TRPM7: variants seen among roughly 807,000 people sequenced by gnomAD.
The protein encoded by TRPM7 is LTRPC ion channel family member 7.
TRPM7 carries 134 observed loss-of-function variants against 229.7 expected under a neutral mutation model. That is an observed-to-expected ratio of 0.58 (90% CI 0.51 to 0.67). TRPM7 has a LOEUF of 0.67. TRPM7 is among the 30% of genes least tolerant of loss of function. TRPM7 has a pLI of 0.00. For missense variants in TRPM7, 1,901 were observed against 2,210.0 expected (o/e 0.86, Z 2.80); for synonymous variants, 699 against 715.2 (o/e 0.98, Z 0.36).
In TRPM7 at chr15:50,686,735, C is replaced by T. The variant is rs1220694206; in HGVS notation, c.-202G>A. The stretch of plus-strand genomic sequence containing the variant: ...TCTTTCATAATTGTGCGACCAACTC[C>T]TCCGGGTGACTGGCCACAGGGACGC... On this transcript the variant is annotated 5_prime_UTR_variant, in exon 1 of 39. Coordinates refer to ENST00000646667, the MANE Select transcript of TRPM7 (RefSeq NM_017672.6). 3 of 627,104 alleles carry T rather than the reference C, an allele frequency of 4.8e-6. No homozygotes were observed. The highest frequency in any genetic ancestry group is 7.7e-6 in the Non-Finnish European group (3 of 389,792). The allele number at this position is 627,104 out of a possible 1,614,324, so 38.8% of individuals were successfully genotyped here. A position where few individuals can be genotyped will look rare whatever the true frequency, so the allele number is the denominator to read the frequency against.
At position 50,664,789 on chromosome 15, in the gene TRPM7, A is replaced by G. The variant is rs560946797; in HGVS notation, c.4-1743T>C. On this transcript the variant is annotated intron_variant, in intron 1 of 38. Transcript: ENST00000646667. Reference sequence around the variant, plus strand: ...CAGCTGGGTAACACAGTGAGACTCCATCTCTACAAAAAAATTAAACAGTCA... The same window carrying G: ...CAGCTGGGTAACACAGTGAGACTCCGTCTCTACAAAAAAATTAAACAGTCA... Among the ~76,000 whole-genome samples the G allele has an allele frequency of 1.1e-4, 16 of 152,176 alleles. No individual in the cohort carries two copies. In the East Asian group the frequency reaches 2.9e-3, roughly 28 times the overall value.
At chr15:50,606,450 T>C (rs995629172) in intron 20 of TRPM7, among the ~76,000 whole-genome samples, 1 of 152,104 alleles carries the variant, frequency 6.6e-6, no homozygotes, top group African/African-American at 2.4e-5. Context: ...AAAGTATAAA[T>C]ATTACGAAAA....
At chr15:50,613,620 CAATT>C (rs1183869907) in intron 15 of TRPM7, 83 bp downstream of exon 15, 14 of 1,173,278 alleles carry the variant, frequency 1.2e-5, no homozygotes, top group Admixed American at 3.6e-5. Flanking sequence ...CTTACTAAAT[CAATT>C]AGTTTTTTTT....
intron 28 of TRPM7, 65 bp downstream of exon 28, chr15:50,586,327 T>C: frequency 9.8e-6 from 11 of 1,124,056 alleles, no homozygotes; most frequent in Non-Finnish European, 1.5e-5. Flanking sequence ...TTGACAAACA[T>C]AAAATACATT....
intron 1 of TRPM7, among the ~76,000 whole-genome samples, chr15:50,669,378 T>C (rs769318862): frequency 2.0e-5 from 3 of 151,880 alleles, no homozygotes; most frequent in Non-Finnish European, 4.4e-5. Flanking sequence ...GAGGCTGCAG[T>C]GAGCCGAGGT....
intron 2 of TRPM7, among the ~76,000 whole-genome samples, chr15:50,658,401 C>T (rs1000621655): frequency 2.6e-5 from 4 of 151,192 alleles, no homozygotes; most frequent in Non-Finnish European, 5.9e-5. Flanking sequence ...AGCGAAACTC[C>T]GTCTCTACAA....
intron 3 of TRPM7, among the ~76,000 whole-genome samples, chr15:50,656,362 T>TG (rs1343968429): frequency 6.6e-6 from 1 of 152,054 alleles, no homozygotes; most frequent in African/African-American, 2.4e-5. Flanking sequence ...TGCAGTGGTG[T>TG]GATCAGGGCT....
intron 6 of TRPM7, 129 bp from the exon 7 acceptor site, chr15:50,637,722 A>C (rs533948464): frequency 4.9e-5 from 40 of 808,374 alleles, no homozygotes; most frequent in Admixed American, 9.7e-5. Flanking sequence ...ATAAATACCA[A>C]ATGACAAAGA....
At position 50,641,868 on chromosome 15, in the gene TRPM7, C is replaced by T. The variant is rs147188885; in HGVS notation, c.535+1472G>A. Among the ~76,000 whole-genome samples, 8 of 152,038 alleles carry T rather than the reference C, an allele frequency of 5.3e-5. No individual in the cohort carries two copies. The East Asian group carries it at 1.4e-3, about 26-fold the overall frequency. ...TACAAAACTTAGCCACGTGTGGTGA[C>T]GGGCACCTGTAATCCCAGCTACTTG... On this transcript the variant is annotated intron_variant, in intron 5 of 38. Transcript: ENST00000646667.
intron 28 of TRPM7, among the ~76,000 whole-genome samples, chr15:50,584,580 T>C (rs532208664): frequency 6.6e-6 from 1 of 151,762 alleles, no homozygotes; most frequent in Non-Finnish European, 1.5e-5. Context: ...GATCACTTAC[T>C]AGAAATGCTT....
chr15:50,631,383 G>A (rs539387800), intron 10 of TRPM7, 34 bp downstream of exon 10: 1 of 1,355,270 alleles, frequency 7.4e-7, no homozygotes, highest in South Asian at 1.2e-5. Context: ...TAAAATAAAA[G>A]GTCTTACAAA....
chr15:50,677,676 T>C (rs748247840), intron 1 of TRPM7, among the ~76,000 whole-genome samples: 1 of 145,294 alleles, frequency 6.9e-6, no homozygotes, highest in African/African-American at 2.6e-5. Flanking sequence ...GGGACAGAGC[T>C]TGCAGTGAGC....
intron 27 of TRPM7, among the ~76,000 whole-genome samples, chr15:50,589,077 C>G (rs1238062538): frequency 6.6e-6 from 1 of 151,992 alleles, no homozygotes; most frequent in East Asian, 1.9e-4. Context: ...ATCCCAGCAC[C>G]TTGGGAAGCC....
chr15:50,571,396 T>C (rs567408154), intron 36 of TRPM7, among the ~76,000 whole-genome samples: 19 of 152,344 alleles, frequency 1.2e-4, no homozygotes, highest in Middle Eastern at 6.8e-3. Flanking sequence ...AAAGTAGCAG[T>C]GCATGAGAAT....
At chr15:50,613,410 G>C (rs2060118229) in intron 15 of TRPM7, among the ~76,000 whole-genome samples, 1 of 147,672 alleles carries the variant, frequency 6.8e-6, no homozygotes, top group South Asian at 2.1e-4. Flanking sequence ...GCTGAGGCAG[G>C]AGAATCACTC....
intron 22 of TRPM7, among the ~76,000 whole-genome samples, chr15:50,597,749 T>TA (rs1040554405): frequency 1.3e-5 from 2 of 151,386 alleles, no homozygotes; most frequent in African/African-American, 2.4e-5. Context: ...TGTCTCTACT[T>TA]AAAAAAACAA....
At chr15:50,607,476 A>G in intron 19 of TRPM7, 148 bp from the exon 20 acceptor site, 1 of 662,324 alleles carries the variant, frequency 1.5e-6, no homozygotes. Flanking sequence ...AATTTTAGAA[A>G]TATCTCTTCT....
At chr15:50,607,885 GA>G (rs758254672) in intron 19 of TRPM7, among the ~76,000 whole-genome samples, 42,675 of 109,152 alleles carry the variant, frequency 0.39, 7,577 homozygotes, top group Admixed American at 0.5. Flanking sequence ...CATCTCTACT[GA>G]AAAAAAAAAA....
intron 1 of TRPM7, among the ~76,000 whole-genome samples, chr15:50,677,001 T>G (rs548111029): frequency 6.6e-6 from 1 of 152,284 alleles, no homozygotes; most frequent in East Asian, 1.9e-4. Flanking sequence ...GTTTGGAGTT[T>G]GAGTACAATG....
Sources: allele counts gnomAD v4.1 joint callset (sites outside exome capture counted in the v4.1 genomes callset), GRCh38; gene constraint gnomAD v4.1.1; transcripts MANE v1.5; gene names NCBI Gene and HGNC (gene_info 2026-07-23, HGNC 2026-07-21).